CPLX2: variants seen among roughly 807,000 people sequenced by gnomAD.
The protein encoded by CPLX2 is complexin-2.
A neutral mutation model predicts 16.3 loss-of-function variants in CPLX2; 5 were observed. The observed-to-expected ratio is 0.31, with a 90% confidence interval of 0.16 to 0.64. CPLX2 has a LOEUF of 0.64. Ranked by LOEUF, CPLX2 falls within the 30% of genes least tolerant of loss-of-function variation. The pLI, the probability that CPLX2 is intolerant of heterozygous loss-of-function variation, is 0.79. For synonymous variants in CPLX2, 89 were observed against 73.2 expected, an observed-to-expected ratio of 1.22 and a Z score of -1.10; for missense variants, 144 against 181.4, an observed-to-expected ratio of 0.79 and a Z score of 1.18.
chr5:175,842,701 T>C (rs919342287), intron 2 of CPLX2, among the ~76,000 whole-genome samples: 1 of 152,126 alleles, frequency 6.6e-6, no homozygotes, highest in Non-Finnish European at 1.5e-5. Context: ...CACCTGCACT[T>C]GCAGGACAGC....
chr5:175,865,084 G>A (rs1312675226), intron 2 of CPLX2, among the ~76,000 whole-genome samples: 1 of 24,812 alleles, frequency 4.0e-5, no homozygotes. Flanking sequence ...ACGCATGTGC[G>A]CGCGCGCACA....
intron 2 of CPLX2, among the ~76,000 whole-genome samples, chr5:175,819,284 C>A (rs753122228): frequency 1.3e-5 from 2 of 152,148 alleles, no homozygotes; most frequent in Non-Finnish European, 2.9e-5. Context: ...CTGCATCACA[C>A]GAGATGCGGG....
rs1215257702 is a variant in CPLX2, at chr5:175,830,763, C to T, written c.-89+21695C>T. Among the ~76,000 whole-genome samples, 1 of 152,192 alleles carries T rather than the reference C, an allele frequency of 6.6e-6. No homozygotes were observed. Among genetic ancestry groups the T allele is most frequent in the East Asian group, 1.9e-4 (1 of 5,184 alleles). ...GATGAGTCTCCCTCCAGATCCTCACCCCTGTGGGCTGGGGGCAGCGTTCAC... is the reference window on the plus strand; with the variant it reads ...GATGAGTCTCCCTCCAGATCCTCACTCCTGTGGGCTGGGGGCAGCGTTCAC... On this transcript the variant is annotated intron_variant, in intron 2 of 4. Coordinates refer to the CPLX2 transcript ENST00000359546. The surrounding 1 kb of genome is among the most constrained non-coding windows in gnomAD (Gnocchi z 4.0).
chr5:175,822,494 G>C (rs755832631), intron 2 of CPLX2, among the ~76,000 whole-genome samples: 22 of 152,186 alleles, frequency 1.4e-4, no homozygotes, highest in African/African-American at 5.1e-4. Context: ...AGTCTTTACC[G>C]TTAACGAGGC....
intron 2 of CPLX2, among the ~76,000 whole-genome samples, chr5:175,824,609 T>C (rs139473439): frequency 2.8e-4 from 42 of 152,264 alleles, no homozygotes; most frequent in African/African-American, 1.0e-3. Context: ...GCAGGGGACC[T>C]GAAAGTCAAG....
rs1758173895 is a variant in CPLX2 at position 175,805,183 on chromosome 5, C to A, written c.-168-3806C>A. Among the ~76,000 whole-genome samples, 4 of 152,138 alleles carry A rather than the reference C, an allele frequency of 2.6e-5. No individual in the cohort carries two copies. The South Asian group carries it at 8.3e-4, about 31-fold the overall frequency. Reference sequence around the variant, plus strand: ...ATCAATAACATTCATATTAATTATTCTTTGCCATTTGTAAAGCATTTCAGT... The same window carrying A: ...ATCAATAACATTCATATTAATTATTATTTGCCATTTGTAAAGCATTTCAGT... On this transcript the variant is annotated intron_variant, in intron 1 of 4. Transcript: ENST00000359546.
At chr5:175,850,763 T>C (rs1202492411) in intron 2 of CPLX2, among the ~76,000 whole-genome samples, 1 of 151,802 alleles carries the variant, frequency 6.6e-6, no homozygotes, top group Non-Finnish European at 1.5e-5. Flanking sequence ...AATGCCACCA[T>C]AGAAAGGGGT....
At chr5:175,852,948 G>A (rs1403926366) in intron 2 of CPLX2, among the ~76,000 whole-genome samples, 1 of 152,228 alleles carries the variant, frequency 6.6e-6, no homozygotes, top group Non-Finnish European at 1.5e-5. Flanking sequence ...CTGTGAGGAA[G>A]TCTCAGTACG....
rs1303028469 is a variant in CPLX2 at position 175,845,618 on chromosome 5, G to C, written c.-88-33034G>C. Among the ~76,000 whole-genome samples the C allele has an allele frequency of 6.6e-6, 1 of 152,182 alleles. No homozygotes were observed. The highest frequency in any genetic ancestry group is 1.5e-5 in the Non-Finnish European group (1 of 68,034). On this transcript the variant is annotated intron_variant, in intron 2 of 4. Coordinates refer to the CPLX2 transcript ENST00000359546. The surrounding 1 kb of genome is among the most constrained non-coding windows in gnomAD (Gnocchi z 4.0). ...AAATTATCTTGTCTTTGCATGCTTA[G>C]GTAGTATCTTTGCTCCTACTGGACT...
In CPLX2 at chr5:175,880,430, C is replaced by T; in HGVS notation, c.*385C>T. The T allele has an allele frequency of 2.9e-6, 1 of 339,050 alleles. No individual in the cohort carries two copies. The highest frequency in any genetic ancestry group is 5.8e-6 in the Non-Finnish European group (1 of 173,796). 21.0% of individuals were successfully genotyped at this position (339,050 alleles called of 1,614,324 possible). ...TTCCAGCCCTGCCCAGCATGCTGAC[C>T]TTTGGCCTCTAACCCTCAGTGGGCC... On this transcript the variant is annotated 3_prime_UTR_variant, in exon 4 of 4. Transcript: ENST00000393745.
chr5:175,851,772 G>A (rs1341750569), intron 2 of CPLX2, among the ~76,000 whole-genome samples: 6 of 152,224 alleles, frequency 3.9e-5, no homozygotes, highest in Non-Finnish European at 7.3e-5. Context: ...TCAACGCCGG[G>A]GCTGTCCTCA....
At chr5:175,814,699 G>A (rs1307806548) in intron 2 of CPLX2, among the ~76,000 whole-genome samples, 2 of 152,214 alleles carry the variant, frequency 1.3e-5, no homozygotes, top group Non-Finnish European at 2.9e-5. Context: ...ATGGGACCCA[G>A]AACCAAAGGG....
In CPLX2 at chr5:175,883,797, G is replaced by A. The variant is rs893942640; in HGVS notation, c.*3752G>A. ...AGTCCTGGTGAGACCCCGGTGAGAT[G>A]GACCATCCTGCCCCCGTGGGGGATC... On this transcript the variant is annotated 3_prime_UTR_variant, in exon 4 of 4. Coordinates refer to ENST00000393745, the MANE Select transcript of CPLX2 (RefSeq NM_001008220.2). The A allele has an allele frequency of 3.3e-5, 5 of 152,814 alleles. No homozygotes were observed. The highest frequency in any genetic ancestry group is 1.2e-4 in the African/African-American group (5 of 41,436). 9.5% of individuals were successfully genotyped at this position (152,814 alleles called of 1,614,324 possible).
intron 2 of CPLX2, among the ~76,000 whole-genome samples, chr5:175,864,525 G>A (rs572472798): frequency 6.6e-6 from 1 of 152,298 alleles, no homozygotes; most frequent in East Asian, 1.9e-4. Context: ...ACTTGCTTCT[G>A]AGTGCTTCAA....
At chr5:175,821,474 C>T (rs1279555421) in intron 2 of CPLX2, among the ~76,000 whole-genome samples, 2 of 152,124 alleles carry the variant, frequency 1.3e-5, no homozygotes, top group Non-Finnish European at 2.9e-5. Flanking sequence ...ATGGCGCGAT[C>T]TCGGCTCATT....
chr5:175,842,099 G>A (rs1758954863), intron 2 of CPLX2, among the ~76,000 whole-genome samples: 1 of 152,200 alleles, frequency 6.6e-6, no homozygotes, highest in Non-Finnish European at 1.5e-5. Flanking sequence ...CCAGCATGGA[G>A]GGCCATGAAG....
chr5:175,877,096 T>C (rs1049503268), intron 1 of CPLX2, among the ~76,000 whole-genome samples: 2 of 152,168 alleles, frequency 1.3e-5, no homozygotes, highest in African/African-American at 4.8e-5. Context: ...GCAACCTTAA[T>C]ACTCCCCCAT....
chr5:175,850,516 C>T (rs143907028), intron 2 of CPLX2, among the ~76,000 whole-genome samples: 3,046 of 152,270 alleles, frequency 0.02, 53 homozygotes, highest in Non-Finnish European at 0.032. Flanking sequence ...TGCACTTCCT[C>T]GGAACACCCC....
chr5:175,832,933 T>G (rs1758758948), intron 2 of CPLX2, among the ~76,000 whole-genome samples: 1 of 152,130 alleles, frequency 6.6e-6, no homozygotes, highest in East Asian at 1.9e-4. Context: ...GGTGGGCAGA[T>G]CTACCTGAGG....
Sources: allele counts gnomAD v4.1 joint callset (sites outside exome capture counted in the v4.1 genomes callset), GRCh38; gene constraint gnomAD v4.1.1; non-coding constraint Gnocchi (gnomAD v3.1); transcripts MANE v1.5; gene names NCBI Gene and HGNC (gene_info 2026-07-23, HGNC 2026-07-21).